The following CLDN5 variants were observed in gnomAD, a reference collection of about 807,000 sequenced individuals.
CLDN5 encodes the protein claudin-5.
Under a neutral mutation model 1.3 loss-of-function variants are expected in CLDN5, and 4 were observed. That is an observed-to-expected ratio of 3.07 (90% CI 1.51 to 7.03). The LOEUF is 7.03. Ranked by LOEUF, CLDN5 falls within the 30% of genes most tolerant of loss-of-function variation. CLDN5 has a pLI of 0.00. For synonymous variants in CLDN5, 156 were observed against 152.3 expected (o/e 1.02, Z -0.18); for missense variants, 225 against 303.5 (o/e 0.74, Z 1.92).
At position 19,523,667 on chromosome 22, in the gene CLDN5, G is replaced by A. The variant is rs1934157920; in HGVS notation, c.589C>T (p.Pro197Ser). 1.2e-6 allele frequency: 2 copies of A among 1,607,338 alleles called. No homozygotes were observed. The highest frequency in any genetic ancestry group is 2.2e-5 in the East Asian group (1 of 44,856). ...CGCCGCGGCGCTGAGTACTTCACGGGGAAGCTGAGGTCGGGACGGCCGGTG... is the reference window on the plus strand; with the variant it reads ...CGCCGCGGCGCTGAGTACTTCACGGAGAAGCTGAGGTCGGGACGGCCGGTG... Reference protein sequence around the residue: ...VCTGRPDLSFPVKYSAPRRPT... With the variant: ...VCTGRPDLSFSVKYSAPRRPT... Residue 197 changes from proline (P) to serine (S), a missense_variant, in exon 1 of 1, where the codon CCC (proline) becomes TCC (serine). Pro to Ser is a moderately conservative substitution (Grantham distance 74, BLOSUM62 -1). Around this residue, in one of 3 missense-constraint regions of CLDN5, gnomAD observed 165 missense variants for 211.9 expected, o/e 0.78. Transcript: ENST00000618236.
rs1277652232 is a variant in CLDN5 at position 19,524,333 on chromosome 22, G to A, written c.-78C>T. The stretch of plus-strand genomic sequence containing the variant: ...TGCGCGGCGCCCTGGGCGGGCCCTG[G>A]TGCCTTTGCGCCCGCGCTCCCGGCT... On this transcript the variant is annotated 5_prime_UTR_variant, in exon 1 of 1. Transcript: ENST00000618236. The A allele has an allele frequency of 6.7e-7, 1 of 1,493,028 alleles. No homozygotes were observed. Among genetic ancestry groups the A allele is most frequent in the Admixed American group, 2.3e-5 (1 of 42,726 alleles). The allele number at this position is 1,493,028 out of a possible 1,614,324, so 92.5% of individuals were successfully genotyped here. A position where few individuals can be genotyped will look rare whatever the true frequency, so the allele number is the denominator to read the frequency against.
At position 19,524,265 on chromosome 22, in the gene CLDN5, C is replaced by T; in HGVS notation, c.-10G>A. 1 of 1,561,742 alleles carries T rather than the reference C, an allele frequency of 6.4e-7. No homozygotes were observed. Among genetic ancestry groups the T allele is most frequent in the Non-Finnish European group, 8.7e-7 (1 of 1,154,286 alleles). ...ACGCTGCGGACCCCATGGCTAGAGGCGAGACGCGCACCCGAAGGCCCGCAG... is the reference window on the plus strand; with the variant it reads ...ACGCTGCGGACCCCATGGCTAGAGGTGAGACGCGCACCCGAAGGCCCGCAG... On this transcript the variant is annotated 5_prime_UTR_variant, in exon 1 of 1. Transcript: ENST00000618236.
chr22:19,524,359 CTT>C lies in CLDN5; in HGVS notation c.-106_-105del, dbSNP rs773782695. ...TGCCTTTGCGCCCGCGCTCCCGGCTCTTGGCCCCAGTCCGTTTGCCCCGCGGG... is the reference window on the plus strand; with the variant it reads ...TGCCTTTGCGCCCGCGCTCCCGGCTCGGCCCCAGTCCGTTTGCCCCGCGGG... On this transcript the variant is annotated 5_prime_UTR_variant, in exon 1 of 1. Coordinates refer to ENST00000618236, the MANE Select transcript of CLDN5 (RefSeq NM_001363066.2). 1.3e-6 allele frequency: 2 copies of C among 1,482,116 alleles called. No individual in the cohort carries two copies. The highest frequency in any genetic ancestry group is 2.8e-5 in the South Asian group (2 of 72,608). The allele number at this position is 1,482,116 out of a possible 1,614,324, so 91.8% of individuals were successfully genotyped here.
rs1934157055 is a variant in CLDN5 at position 19,523,649 on chromosome 22, G to T, written c.607C>A (p.Pro203Thr). The T allele has an allele frequency of 6.2e-7, 1 of 1,604,944 alleles. No individual in the cohort carries two copies. Among genetic ancestry groups the T allele is most frequent in the Non-Finnish European group, 8.5e-7 (1 of 1,178,416 alleles). ...DLSFPVKYSA[P>T]RRPTATGDYD... ...TCGCCGGTGGCCGTGGGCCGCCGCG[G>T]CGCTGAGTACTTCACGGGGAAGCTG... is the stretch of plus-strand genomic sequence containing the variant. The change falls in exon 1 of 1, where the codon CCG becomes ACG. Residue 203 changes from proline (P) to threonine (T), a missense_variant. Coordinates refer to ENST00000618236, the MANE Select transcript of CLDN5 (RefSeq NM_001363066.2).
chr22:19,524,123 T>C lies in CLDN5; in HGVS notation c.133A>G (p.Thr45Ala). 6.2e-7 allele frequency: 1 copy of C among 1,609,298 alleles called. No individual in the cohort carries two copies. The highest frequency in any genetic ancestry group is 8.5e-7 in the Non-Finnish European group (1 of 1,179,842). ...GACATCCACAGCCCCTTCCAGGTGG[T>C]CTGCGCCGTCACGATGTTGTGGTCC... ...FLDHNIVTAQ[T>A]TWKGLWMSCV... Residue 45 changes from threonine (T) to alanine (A), a missense_variant, in exon 1 of 1, where the codon ACC becomes GCC. Physicochemically the swap from Thr to Ala is moderately conservative, Grantham distance 58. Transcript: ENST00000618236.
chr22:19,525,115 G>A, upstream of CLDN5: 1 of 1,000,626 alleles, frequency 1.0e-6, no homozygotes, highest in Non-Finnish European at 1.2e-6. Flanking sequence ...CCCCCTGCCT[G>A]GCGACCCCCA....
chr22:19,524,636 C>A, upstream of CLDN5: 6 of 1,336,204 alleles, frequency 4.5e-6, no homozygotes, highest in Non-Finnish European at 5.8e-6. Flanking sequence ...CCGCCGTTGT[C>A]CTAGTCGCGG....
chr22:19,523,869 C>T lies in CLDN5; in HGVS notation c.387G>A (p.Gly129=), dbSNP rs1262957319. 26 of 1,609,722 alleles carry T rather than the reference C, an allele frequency of 1.6e-5. No homozygotes were observed. Among genetic ancestry groups the T allele is most frequent in the Non-Finnish European group, 2.2e-5 (26 of 1,179,250 alleles). The part of the protein sequence containing the change: ...LTGGVLYLFC[G]LLALVPLCWF... ...AGCAGAGTGGCACGAGCGCCAGCAG[C>T]CCGCAAAACAGGTAGAGCACGCCTC... The change falls in exon 1 of 1, where the codon GGG becomes GGA. Residue 129 remains glycine, a synonymous_variant. Transcript: ENST00000618236.
chr22:19,523,503 A>G lies in CLDN5; in HGVS notation c.*96T>C, dbSNP rs1481621004. ...TTCCGAGGAGCCTGCGCGCCGCGCT[A>G]CCCGGCGGAAGCCGCGGTCCATGCG... On this transcript the variant is annotated 3_prime_UTR_variant, in exon 1 of 1. Coordinates refer to ENST00000618236, the MANE Select transcript of CLDN5 (RefSeq NM_001363066.2). 3.5e-6 allele frequency: 5 copies of G among 1,447,286 alleles called. No homozygotes were observed. The South Asian group carries it at 4.3e-5, about 12-fold the overall frequency. 89.7% of individuals were successfully genotyped at this position (1,447,286 alleles called of 1,614,324 possible).
chr22:19,524,049 C>T lies in CLDN5; in HGVS notation c.207G>A (p.Ser69=), dbSNP rs199779842. The stretch of plus-strand genomic sequence containing the variant: ...GCACCTCGGTGCTCAGAGCCAGCAC[C>T]GAGTCGTACACTTTGCACTGCATGT... ...TGHMQCKVYD[S]VLALSTEVQA... Residue 69 remains serine, a synonymous_variant, in exon 1 of 1, where the codon TCG becomes TCA. Transcript: ENST00000618236. The T allele has an allele frequency of 1.2e-6, 2 of 1,602,808 alleles. No homozygotes were observed. The highest frequency in any genetic ancestry group is 3.3e-5 in the Admixed American group (2 of 59,908).
chr22:19,524,927 C>T (rs1319547667), upstream of CLDN5: 2 of 1,035,550 alleles, frequency 1.9e-6, no homozygotes, highest in African/African-American at 3.4e-5. Context: ...CCCTTTCTCG[C>T]ACTCTCACTC....
At chr22:19,524,943 C>G (rs756514344), upstream of CLDN5, 237 of 1,023,606 alleles carry the variant, frequency 2.3e-4, no homozygotes, top group Non-Finnish European at 2.7e-4. Context: ...CACTCTCCAG[C>G]CCCGCTCTGA....
At position 19,523,617 on chromosome 22, in the gene CLDN5, G is replaced by A. The variant is rs759438684; in HGVS notation, c.639C>T (p.Asp213=). The A allele has an allele frequency of 5.6e-5, 90 of 1,596,550 alleles. No homozygotes were observed. Among genetic ancestry groups the A allele is most frequent in the Non-Finnish European group, 7.2e-5 (85 of 1,174,430 alleles). ...PRRPTATGDY[D]KKNYV is the part of the protein sequence containing the mutation. ...AGCGCCCTCAGACGTAGTTCTTCTT[G>A]TCGTAGTCGCCGGTGGCCGTGGGCC... Residue 213 remains aspartate (D), a synonymous_variant, in exon 1 of 1, where the codon GAC becomes GAT. Coordinates refer to ENST00000618236, the MANE Select transcript of CLDN5 (RefSeq NM_001363066.2).
At chr22:19,525,117 C>T (rs916125640), upstream of CLDN5, 23 of 1,000,600 alleles carry the variant, frequency 2.3e-5, no homozygotes, top group African/African-American at 2.8e-4. Flanking sequence ...CCCTGCCTGG[C>T]GACCCCCACT....
chr22:19,524,108 G>GC lies in CLDN5; in HGVS notation c.147dup (p.Leu50AlafsTer203). 6.2e-7 allele frequency: 1 copy of GC among 1,608,212 alleles called. No homozygotes were observed. Among genetic ancestry groups the GC allele is most frequent in the South Asian group, 1.1e-5 (1 of 91,046 alleles). On this transcript the variant is annotated frameshift_variant, in exon 1 of 1. Transcript: ENST00000618236. LOFTEE classifies it low-confidence loss of function (END_TRUNC). ...CTCTGCACCACGCACGACATCCACA[G>GC]CCCCTTCCAGGTGGTCTGCGCCGTC... is the stretch of plus-strand genomic sequence containing the variant.
chr22:19,523,266 A>C lies in CLDN5; in HGVS notation c.*333T>G. Reference sequence around the variant, plus strand: ...CCGAAGTCAGCAGGAGCCTCTGGGAAGTAAGGCAGCAGCCAAGACCCCCAG... The same window carrying C: ...CCGAAGTCAGCAGGAGCCTCTGGGACGTAAGGCAGCAGCCAAGACCCCCAG... On this transcript the variant is annotated 3_prime_UTR_variant, in exon 1 of 1. Coordinates refer to ENST00000618236, the MANE Select transcript of CLDN5 (RefSeq NM_001363066.2). 6.9e-6 allele frequency: 2 copies of C among 290,366 alleles called. No homozygotes were observed. The highest frequency in any genetic ancestry group is 6.3e-6 in the Non-Finnish European group (1 of 157,540). 18.0% of individuals were successfully genotyped at this position (290,366 alleles called of 1,614,324 possible). A position where few individuals can be genotyped will look rare whatever the true frequency, so the allele number is the denominator to read the frequency against.
upstream of CLDN5, chr22:19,524,867 G>C: frequency 9.0e-7 from 1 of 1,111,530 alleles, no homozygotes; most frequent in Non-Finnish European, 1.1e-6. Flanking sequence ...AGAGGCCCTC[G>C]TAGGGGGGCT....
Position 19,523,543 on chromosome 22 carries a change from T to C in CLDN5, c.*56A>G. On this transcript the variant is annotated 3_prime_UTR_variant, in exon 1 of 1. Coordinates refer to ENST00000618236, the MANE Select transcript of CLDN5 (RefSeq NM_001363066.2). Reference sequence around the variant, plus strand: ...CGGTCCATGCGGGGCTCCCCAGGCTTATCCAACGCCTCGCAGGCGTGGCTG... The same window carrying C: ...CGGTCCATGCGGGGCTCCCCAGGCTCATCCAACGCCTCGCAGGCGTGGCTG... 1.3e-6 allele frequency: 2 copies of C among 1,509,194 alleles called. No homozygotes were observed. Among genetic ancestry groups the C allele is most frequent in the Non-Finnish European group, 1.8e-6 (2 of 1,137,682 alleles). 93.5% of individuals were successfully genotyped at this position (1,509,194 alleles called of 1,614,324 possible).
At position 19,524,287 on chromosome 22, in the gene CLDN5, G is replaced by T. The variant is rs1281894591; in HGVS notation, c.-32C>A. ...AGGCGAGACGCGCACCCGAAGGCCC[G>T]CAGAACCCCCAAGGCCGTGCTGCGC... On this transcript the variant is annotated 5_prime_UTR_variant, in exon 1 of 1. Transcript: ENST00000618236. 4 of 1,547,768 alleles carry T rather than the reference G, an allele frequency of 2.6e-6. No homozygotes were observed. In the African/African-American group the frequency reaches 4.1e-5, roughly 16 times the overall value.
Sources: gnomAD v4.1 joint callset for allele counts on GRCh38, gnomAD v4.1.1 for gene constraint, gnomAD v4.1.1 regional missense constraint, MANE v1.5 for transcripts, NCBI Gene and HGNC (gene_info 2026-07-23, HGNC 2026-07-21) for gene names.